Variants in BRCC3 observed in about 807,000 individuals in gnomAD.
The protein encoded by BRCC3 is BRCA1/BRCA2-containing complex subunit 3.
A neutral mutation model predicts 28.0 loss-of-function variants in BRCC3; 15 were observed. The ratio of observed to expected loss-of-function variants is 0.54; its 90% CI spans 0.36 to 0.82. BRCC3 has a LOEUF of 0.82. BRCC3 is among the 40% of genes least tolerant of loss of function. The pLI is 0.01. For missense variants in BRCC3, 109 were observed against 225.9 expected (o/e 0.48, Z 3.32); for synonymous variants, 66 against 80.3 (o/e 0.82, Z 0.95).
At chrX:155,090,739 T>A (rs1176588848) in intron 6 of BRCC3, 45 bp from the exon 7 acceptor site, 1 of 1,047,068 alleles carries the variant, frequency 9.6e-7, no homozygotes, top group Non-Finnish European at 1.3e-6. Context: ...TCAATATTAA[T>A]CTTTCTTTGT....
At chrX:155,090,699 C>A in intron 6 of BRCC3, 85 bp from the exon 7 acceptor site, 1 of 709,912 alleles carries the variant, frequency 1.4e-6, no homozygotes, top group Non-Finnish European at 2.2e-6. Flanking sequence ...TTTTAACATT[C>A]TGCTTCTAGA....
At chrX:155,099,801 G>A (rs1157274402) in intron 7 of BRCC3, among the ~76,000 whole-genome samples, 1 of 111,558 alleles carries the variant, frequency 9.0e-6, no homozygotes, top group Non-Finnish European at 1.9e-5. Flanking sequence ...AAGCAATCAG[G>A]ACATTCGTCT....
At position 155,075,358 on chromosome X, in the gene BRCC3, T is replaced by TA. The variant is rs1557293444; in HGVS notation, c.196-1812_196-1811insA. Among the ~76,000 whole-genome samples the TA allele has an allele frequency of 2.1e-4, 23 of 111,500 alleles. 1 individual carries two copies. Among genetic ancestry groups the TA allele is most frequent in the Admixed American group, 1.9e-3 (20 of 10,646 alleles). On this transcript the variant is annotated intron_variant, in intron 3 of 10. Transcript: ENST00000330045. ...TCCCCTTGATTCAGGCCAAGACCTC[T>TA]GCTCCCTTTCTCCACACCTTTTTTG...
In BRCC3 at chrX:155,121,649, G is replaced by A; in HGVS notation, c.*445G>A. 8.9e-6 allele frequency: 1 copy of A among 112,161 alleles called. No individual in the cohort carries two copies. Among genetic ancestry groups the A allele is most frequent in the South Asian group, 3.7e-4 (1 of 2,731 alleles). 9.2% of individuals were successfully genotyped at this position (112,161 alleles called of 1,213,427 possible). ...ACAGGAGAAAAATCTTCAGGATCTTGGGCTAGGTGACAAGTTCTTGGACTT... is the reference window on the plus strand; with the variant it reads ...ACAGGAGAAAAATCTTCAGGATCTTAGGCTAGGTGACAAGTTCTTGGACTT... On this transcript the variant is annotated 3_prime_UTR_variant, in exon 11 of 11. Coordinates refer to ENST00000330045, the MANE Select transcript of BRCC3 (RefSeq NM_001018055.3).
chrX:155,077,642 T>C (rs1557293788), intron 4 of BRCC3, among the ~76,000 whole-genome samples: 2 of 111,555 alleles, frequency 1.8e-5, no homozygotes, highest in African/African-American at 6.5e-5. Context: ...ATTTACTATC[T>C]TGGTCTCTAT....
chrX:155,090,459 C>T (rs2074166870), intron 6 of BRCC3, among the ~76,000 whole-genome samples: 1 of 112,026 alleles, frequency 8.9e-6, no homozygotes, highest in East Asian at 2.8e-4. Flanking sequence ...TCAACCTTGT[C>T]ATCATGCGTT....
chrX:155,104,828 T>C (rs2074268092), intron 7 of BRCC3, among the ~76,000 whole-genome samples: 1 of 112,868 alleles, frequency 8.9e-6, no homozygotes, highest in Admixed American at 9.3e-5. Flanking sequence ...TTAAGCTTTA[T>C]TGAGGTATAA....
chrX:155,086,446 G>A (rs1017453268), intron 5 of BRCC3, among the ~76,000 whole-genome samples: 1 of 111,465 alleles, frequency 9.0e-6, no homozygotes, highest in African/African-American at 3.3e-5. Flanking sequence ...CGTCTCCTGG[G>A]CTCAAGCGAT....
At chrX:155,077,121 T>C in intron 3 of BRCC3, 49 bp from the exon 4 acceptor site, 1 of 1,075,433 alleles carries the variant, frequency 9.3e-7, no homozygotes, top group Non-Finnish European at 1.2e-6. Context: ...AAGGGGGATG[T>C]GTTATTGGAG....
intron 7 of BRCC3, among the ~76,000 whole-genome samples, chrX:155,104,088 C>A (rs1271584940): frequency 9.0e-6 from 1 of 111,332 alleles, no homozygotes; most frequent in African/African-American, 3.3e-5. Context: ...CTTCTAGCTT[C>A]TTGAACATAC....
rs2074345770 is a variant in BRCC3, at chrX:155,115,071, CT to C, written c.549-983del. ...AGGCTGGAAGATGATGGGGTGACAT[CT>C]TTAATGTGCATGAAGAAAAAAGCTA... On this transcript the variant is annotated intron_variant, in intron 7 of 10. Coordinates refer to ENST00000330045, the MANE Select transcript of BRCC3 (RefSeq NM_001018055.3). 4.5e-5 allele frequency among the ~76,000 whole-genome samples: 5 copies of C among 112,155 alleles called. No homozygotes were observed. In the South Asian group the frequency reaches 1.8e-3, roughly 41 times the overall value.
chrX:155,118,844 A>G (rs1198357991), intron 9 of BRCC3, among the ~76,000 whole-genome samples: 3 of 111,850 alleles, frequency 2.7e-5, no homozygotes, highest in Non-Finnish European at 3.8e-5. Context: ...TGAGGTTTGG[A>G]GGGCCAAATA....
At position 155,075,290 on chromosome X, in the gene BRCC3, TC is replaced by T. The variant is rs1451099127; in HGVS notation, c.195+1863del. On this transcript the variant is annotated intron_variant, in intron 3 of 10. Coordinates refer to ENST00000330045, the MANE Select transcript of BRCC3 (RefSeq NM_001018055.3). Reference sequence around the variant, plus strand: ...ATCTGATAATGCTAAGCCCACTCTTTCCCCTGGCCCTTCTTGTTCTTCCCCA... The same window carrying T: ...ATCTGATAATGCTAAGCCCACTCTTTCCCTGGCCCTTCTTGTTCTTCCCCA... 4.0e-4 allele frequency among the ~76,000 whole-genome samples: 20 copies of T among 49,955 alleles called. No homozygotes were observed. In the African/African-American group the frequency reaches 0.012, roughly 31 times the overall value. The allele number at this position is 49,955 out of a possible 115,157, so 43.4% of individuals were successfully genotyped here. A position where few individuals can be genotyped will look rare whatever the true frequency, so the allele number is the denominator to read the frequency against.
chrX:155,110,400 A>G (rs1405393614), intron 7 of BRCC3, among the ~76,000 whole-genome samples: 5 of 111,044 alleles, frequency 4.5e-5, no homozygotes, highest in African/African-American at 1.6e-4. Context: ...GATTATTCTG[A>G]TTTTCTGTAT....
intron 7 of BRCC3, 112 bp from the exon 8 acceptor site, chrX:155,115,945 A>G: frequency 1.3e-6 from 1 of 754,557 alleles, no homozygotes; most frequent in Non-Finnish European, 1.9e-6. Flanking sequence ...AATTACAGCA[A>G]TGCTTAATCT....
chrX:155,088,734 C>T (rs2074153446), intron 5 of BRCC3, among the ~76,000 whole-genome samples: 1 of 111,102 alleles, frequency 9.0e-6, no homozygotes, highest in African/African-American at 3.3e-5. Flanking sequence ...AGTTCAGTAA[C>T]CATATCAAGC....
rs1557298750 is a variant in BRCC3 at position 155,116,240 on chromosome X, TTTC to T, written c.680+60_680+62del. 3.6e-6 allele frequency: 4 copies of T among 1,097,670 alleles called. No homozygotes were observed. The African/African-American group carries it at 7.5e-5, about 20-fold the overall frequency. The allele number at this position is 1,097,670 out of a possible 1,213,427, so 90.5% of individuals were successfully genotyped here. On this transcript the variant is annotated intron_variant, in intron 8 of 10. Transcript: ENST00000330045. ...CTACTTCTCAGGACCTAGTCTCTCTTTTCTTCTTCTGTCCTTTTCTCTTTAGCA... is the reference window on the plus strand; with the variant it reads ...CTACTTCTCAGGACCTAGTCTCTCTTTTCTTCTGTCCTTTTCTCTTTAGCA...
chrX:155,102,445 T>C (rs2074252010), intron 7 of BRCC3, among the ~76,000 whole-genome samples: 1 of 112,511 alleles, frequency 8.9e-6, no homozygotes, highest in Admixed American at 9.4e-5. Context: ...CCTACAACCT[T>C]GCTAAATTCA....
chrX:155,104,919 C>G (rs781876459), intron 7 of BRCC3, among the ~76,000 whole-genome samples: 1 of 112,617 alleles, frequency 8.9e-6, no homozygotes, highest in Non-Finnish European at 1.9e-5. Flanking sequence ...ACTCAAAATA[C>G]TTAGCTGGGT....
Sources: allele counts gnomAD v4.1 joint callset (sites outside exome capture counted in the v4.1 genomes callset), GRCh38; gene constraint gnomAD v4.1.1; transcripts MANE v1.5; gene names NCBI Gene and HGNC (gene_info 2026-07-23, HGNC 2026-07-21).